The following DLG1 variants were observed in gnomAD, a reference collection of about 807,000 sequenced individuals.
DLG1 encodes discs large MAGUK scaffold protein 1, also known as disks large homolog 1.
In DLG1, 42 loss-of-function variants were observed where a neutral mutation model predicts 123.4. The observed-to-expected ratio is 0.34, with a 90% CI of 0.27 to 0.44. The LOEUF (loss-of-function observed/expected upper bound fraction) is 0.44. Among genes scored for constraint, DLG1 ranks in the 20% least tolerant of loss-of-function variants. The probability of loss-of-function intolerance (pLI) is 1.00; values close to 1 mark genes in which losing one functional copy is unlikely to be tolerated. For synonymous variants in DLG1, 317 were observed against 356.2 expected (o/e 0.89, Z 1.24); for missense variants, 942 against 1,082.6 (o/e 0.87, Z 1.82).
At chr3:197,055,094 C>T (rs1034605902) in intron 23 of DLG1, among the ~76,000 whole-genome samples, 30 of 152,072 alleles carry the variant, frequency 2.0e-4, no homozygotes, top group African/African-American at 6.3e-4. Flanking sequence ...GGGTTACAGG[C>T]GTGAGCCACT....
intron 4 of DLG1, among the ~76,000 whole-genome samples, chr3:197,270,957 C>T (rs1763673160): frequency 6.6e-6 from 1 of 152,020 alleles, no homozygotes; most frequent in Non-Finnish European, 1.5e-5. Context: ...GTGTGATAGT[C>T]TATAAAACAA....
At chr3:197,078,290 C>CT (rs1560507180) in intron 17 of DLG1, among the ~76,000 whole-genome samples, 1 of 150,690 alleles carries the variant, frequency 6.6e-6, no homozygotes, top group East Asian at 1.9e-4. Context: ...GCATTCCAAC[C>CT]TGGGTGATAG....
intron 3 of DLG1, among the ~76,000 whole-genome samples, chr3:197,294,357 T>A (rs1776328512): frequency 6.6e-6 from 1 of 151,578 alleles, no homozygotes; most frequent in Admixed American, 6.6e-5. Context: ...ATTAGGAAGC[T>A]AACTCTAGGC....
At chr3:197,177,495 T>C (rs1807751685) in intron 5 of DLG1, among the ~76,000 whole-genome samples, 1 of 152,076 alleles carries the variant, frequency 6.6e-6, no homozygotes, top group Non-Finnish European at 1.5e-5. Flanking sequence ...ACAATTATCA[T>C]TACACATGAG....
rs556139731 is a variant in DLG1 at position 197,119,527 on chromosome 3, G to A, written c.1169C>T (p.Ser390Phe). The A allele has an allele frequency of 4.4e-6, 7 of 1,604,038 alleles. No homozygotes were observed. The East Asian group carries it at 1.3e-4, about 31-fold the overall frequency. ...GYAPPDITNS[S>F]SQPVDNHVSP... ...AACATGGTTATCAACAGGCTGAGAAGAAGCTTCAAAATAAACAAAGTGAAA... is the reference window on the plus strand; with the variant it reads ...AACATGGTTATCAACAGGCTGAGAAAAAGCTTCAAAATAAACAAAGTGAAA... The change falls in exon 12 of 25, where the codon TCT (serine) becomes TTT (phenylalanine). Residue 390 changes from serine (S) to phenylalanine (F), a missense_variant. Physicochemically the swap from Ser to Phe is radical, Grantham distance 155 (BLOSUM62 -2). Coordinates refer to ENST00000667157, the MANE Select transcript of DLG1 (RefSeq NM_001366207.1).
At chr3:197,266,402 A>G (rs1761712469) in intron 4 of DLG1, among the ~76,000 whole-genome samples, 2 of 152,196 alleles carry the variant, frequency 1.3e-5, no homozygotes, top group South Asian at 4.1e-4. Flanking sequence ...AAACGAAACT[A>G]TCGAGACCAA....
At chr3:197,263,951 T>C (rs1237709821) in intron 4 of DLG1, among the ~76,000 whole-genome samples, 2 of 152,156 alleles carry the variant, frequency 1.3e-5, no homozygotes, top group Admixed American at 1.3e-4. Context: ...CCTGAAACAA[T>C]CCTGAAAATT....
chr3:197,109,170 T>C (rs1054094235), intron 13 of DLG1, among the ~76,000 whole-genome samples: 1 of 152,154 alleles, frequency 6.6e-6, no homozygotes, highest in Non-Finnish European at 1.5e-5. Flanking sequence ...CTTTGAGGGC[T>C]GGCTAGGCAT....
At chr3:197,276,476 TG>T (rs1199323808) in intron 4 of DLG1, among the ~76,000 whole-genome samples, 1 of 152,250 alleles carries the variant, frequency 6.6e-6, no homozygotes, top group Admixed American at 6.5e-5. Flanking sequence ...ATATCCTTGC[TG>T]TCAATGTAAT....
At chr3:197,289,993 G>C (rs1322164187) in intron 3 of DLG1, among the ~76,000 whole-genome samples, 1 of 152,124 alleles carries the variant, frequency 6.6e-6, no homozygotes, top group Non-Finnish European at 1.5e-5. Context: ...TCCAGGGCTG[G>C]GGCAGGAGAG....
intron 5 of DLG1, among the ~76,000 whole-genome samples, chr3:197,174,038 G>A (rs550162582): frequency 2.0e-5 from 3 of 152,192 alleles, no homozygotes; most frequent in South Asian, 2.1e-4. Flanking sequence ...GGCTGAGATC[G>A]CGCCACTGCA....
At chr3:197,092,883 G>T (rs559299740) in intron 14 of DLG1, among the ~76,000 whole-genome samples, 3 of 152,174 alleles carry the variant, frequency 2.0e-5, no homozygotes, top group South Asian at 2.1e-4. Context: ...AGATTCATTT[G>T]TACTTTATTT....
chr3:197,178,101 A>C (rs1195402981), intron 5 of DLG1, among the ~76,000 whole-genome samples: 3 of 152,172 alleles, frequency 2.0e-5, no homozygotes, highest in Non-Finnish European at 4.4e-5. Context: ...AAGTAAAAAG[A>C]CAGTAAAAAA....
At chr3:197,183,100 C>A (rs1163971406) in intron 5 of DLG1, among the ~76,000 whole-genome samples, 1 of 151,930 alleles carries the variant, frequency 6.6e-6, no homozygotes, top group Non-Finnish European at 1.5e-5. Context: ...ATAATACTAG[C>A]CAATTATATT....
chr3:197,236,826 T>G (rs1475133045), intron 4 of DLG1, among the ~76,000 whole-genome samples: 1 of 152,264 alleles, frequency 6.6e-6, no homozygotes, highest in Non-Finnish European at 1.5e-5. Flanking sequence ...TAACATTTGC[T>G]GTTTTATTCA....
At chr3:197,133,318 T>G (rs1023757063) in intron 10 of DLG1, among the ~76,000 whole-genome samples, 32 of 152,318 alleles carry the variant, frequency 2.1e-4, no homozygotes, top group African/African-American at 6.7e-4. Context: ...ATTAAGCACC[T>G]GGCTAACAGT....
At chr3:197,239,259 A>G (rs1747612437) in intron 4 of DLG1, among the ~76,000 whole-genome samples, 1 of 152,000 alleles carries the variant, frequency 6.6e-6, no homozygotes. Flanking sequence ...CACAAAACCT[A>G]TCAAGACTAA....
At chr3:197,279,580 C>T (rs2151123927) in intron 4 of DLG1, among the ~76,000 whole-genome samples, 1 of 152,338 alleles carries the variant, frequency 6.6e-6, no homozygotes, top group East Asian at 1.9e-4. Flanking sequence ...CTAATAAGAT[C>T]TGACGCTCAC....
chr3:197,082,792 T>C (rs1380054628), intron 16 of DLG1, among the ~76,000 whole-genome samples: 1 of 152,220 alleles, frequency 6.6e-6, no homozygotes, highest in Non-Finnish European at 1.5e-5. Flanking sequence ...AATGTGGAAA[T>C]TGGCAGAGGT....
Sources: allele counts gnomAD v4.1 joint callset (sites outside exome capture counted in the v4.1 genomes callset), GRCh38; gene constraint gnomAD v4.1.1; transcripts MANE v1.5; gene names NCBI Gene and HGNC (gene_info 2026-07-23, HGNC 2026-07-21).